RPS6KB1: variants seen among roughly 807,000 people sequenced by gnomAD.
RPS6KB1 encodes ribosomal protein S6 kinase B1.
A neutral mutation model predicts 70.2 loss-of-function variants in RPS6KB1; 12 were observed. The observed-to-expected ratio is 0.17, with a 90% confidence interval of 0.11 to 0.28. The LOEUF is 0.28. RPS6KB1 is among the 10% of genes least tolerant of loss of function. The pLI, the probability that RPS6KB1 is intolerant of heterozygous loss-of-function variation, is 1.00. For synonymous variants in RPS6KB1, 175 were observed against 211.2 expected (o/e 0.83, Z 1.49); for missense variants, 270 against 646.6 (o/e 0.42, Z 6.32).
rs2045095233 is a variant in RPS6KB1 at position 59,949,388 on chromosome 17, TTTATG to T, written c.*2605_*2609del. The T allele has an allele frequency of 6.6e-6, 1 of 152,638 alleles. No homozygotes were observed. The highest frequency in any genetic ancestry group is 1.5e-5 in the Non-Finnish European group (1 of 68,006). The allele number at this position is 152,638 out of a possible 1,614,324, so 9.5% of individuals were successfully genotyped here. A position where few individuals can be genotyped will look rare whatever the true frequency, so the allele number is the denominator to read the frequency against. ...TAGTCTTGAGTTTCTAAGAGGGTTCTTTATGTTATACCAGGTAAGTGTATAAAAGA... is the reference window on the plus strand; with the variant it reads ...TAGTCTTGAGTTTCTAAGAGGGTTCTTTATACCAGGTAAGTGTATAAAAGA... On this transcript the variant is annotated 3_prime_UTR_variant, in exon 15 of 15. Coordinates refer to ENST00000225577, the MANE Select transcript of RPS6KB1 (RefSeq NM_003161.4).
In RPS6KB1 at chr17:59,948,711, C is replaced by G. The variant is rs571718916; in HGVS notation, c.*1923C>G. On this transcript the variant is annotated 3_prime_UTR_variant, in exon 15 of 15. Transcript: ENST00000225577. ...CCTCCTCCCTTATTGCAGCAGCCTA[C>G]TGAGAACTTTGACTGTTGCTGGTAA... 1 of 152,456 alleles carries G rather than the reference C, an allele frequency of 6.6e-6. No homozygotes were observed. The highest frequency in any genetic ancestry group is 2.1e-4 in the South Asian group (1 of 4,820). 9.4% of individuals were successfully genotyped at this position (152,456 alleles called of 1,614,324 possible). A position where few individuals can be genotyped will look rare whatever the true frequency, so the allele number is the denominator to read the frequency against.
chr17:59,902,366 A>G (rs1219479719), intron 1 of RPS6KB1, among the ~76,000 whole-genome samples: 2 of 152,012 alleles, frequency 1.3e-5, no homozygotes, highest in African/African-American at 4.8e-5. Context: ...TGGCCTCTCA[A>G]AGTGCTGGGA....
At chr17:59,920,975 G>A (rs1004073489) in intron 4 of RPS6KB1, among the ~76,000 whole-genome samples, 7 of 152,210 alleles carry the variant, frequency 4.6e-5, no homozygotes, top group African/African-American at 1.7e-4. Flanking sequence ...TGGAATTATG[G>A]GCGTGAGCCA....
intron 1 of RPS6KB1, among the ~76,000 whole-genome samples, chr17:59,902,509 C>T (rs1324002131): frequency 6.6e-6 from 1 of 151,700 alleles, no homozygotes; most frequent in Non-Finnish European, 1.5e-5. Context: ...TATCCATTTA[C>T]CGGTTGATGT....
At chr17:59,930,519 C>T (rs1277723974) in intron 6 of RPS6KB1, 1 of 202,746 alleles carries the variant, frequency 4.9e-6, no homozygotes. Context: ...GAAATCATCC[C>T]TTTTTTTTTA....
rs912522441 is a variant in RPS6KB1, at chr17:59,893,913, C to T, written c.141+588C>T. Reference sequence around the variant, plus strand: ...AGCAAGGGGGCTCTGCTGCATCTTCCAATCTTCCAGGGTTTGTTTGTTTGC... The same window carrying T: ...AGCAAGGGGGCTCTGCTGCATCTTCTAATCTTCCAGGGTTTGTTTGTTTGC... On this transcript the variant is annotated intron_variant, in intron 1 of 14. Transcript: ENST00000225577. The surrounding 1 kb of genome is among the most constrained non-coding windows in gnomAD (Gnocchi z 4.1). The T allele has an allele frequency of 1.5e-5, 15 of 983,962 alleles. No homozygotes were observed. The African/African-American group carries it at 2.5e-4, about 16-fold the overall frequency. The allele number at this position is 983,962 out of a possible 1,614,324, so 61.0% of individuals were successfully genotyped here.
At position 59,946,765 on chromosome 17, in the gene RPS6KB1, G is replaced by C; in HGVS notation, c.1555G>C (p.Glu519Gln). ...QAFPMISKRP[E>Q]HLRMNL ...TTTTCCCATGATCTCCAAACGGCCA[G>C]AGCACCTGCGTATGAATCTATGACA... Residue 519 changes from glutamate (E) to glutamine (Q), a missense_variant, in exon 15 of 15, where the codon GAG becomes CAG. By Grantham distance (29) the Glu-to-Gln change is conservative. Around this residue, in one of 4 missense-constraint regions of RPS6KB1, gnomAD observed 133 missense variants for 314.7 expected, o/e 0.42. Coordinates refer to ENST00000225577, the MANE Select transcript of RPS6KB1 (RefSeq NM_003161.4). This position sits in a 1 kb window ranked among gnomAD's most constrained non-coding sequence, Gnocchi z 4.2. The C allele has an allele frequency of 3.7e-6, 6 of 1,614,110 alleles. No individual in the cohort carries two copies. The highest frequency in any genetic ancestry group is 5.1e-6 in the Non-Finnish European group (6 of 1,179,996).
At chr17:59,929,503 G>A (rs2043817762) in intron 5 of RPS6KB1, among the ~76,000 whole-genome samples, 1 of 152,004 alleles carries the variant, frequency 6.6e-6, no homozygotes, top group African/African-American at 2.4e-5. Context: ...TTATTACTTG[G>A]GATTCTACTG....
chr17:59,905,093 T>A (rs574860631), intron 1 of RPS6KB1, among the ~76,000 whole-genome samples: 1 of 152,060 alleles, frequency 6.6e-6, no homozygotes, highest in African/African-American at 2.4e-5. Flanking sequence ...TTTGGCTCAC[T>A]GCAGCCTTGA....
At chr17:59,899,039 A>G (rs921265768) in intron 1 of RPS6KB1, among the ~76,000 whole-genome samples, 1 of 151,800 alleles carries the variant, frequency 6.6e-6, no homozygotes, top group Non-Finnish European at 1.5e-5. Flanking sequence ...CCCCGTCTCT[A>G]TTAAAAATAC....
rs1422421208 is a variant in RPS6KB1 at position 59,947,412 on chromosome 17, T to G, written c.*624T>G. ...TTGGTGTGAAGAAAGCCAGACAACT[T>G]CTGTTTCTTCTCTTGGTGAAATAAT... On this transcript the variant is annotated 3_prime_UTR_variant, in exon 15 of 15. Transcript: ENST00000225577. 5 of 1,271,712 alleles carry G rather than the reference T, an allele frequency of 3.9e-6. No homozygotes were observed. Among genetic ancestry groups the G allele is most frequent in the Admixed American group, 4.1e-5 (1 of 24,618 alleles). 78.8% of individuals were successfully genotyped at this position (1,271,712 alleles called of 1,614,324 possible).
chr17:59,916,341 C>T (rs952622117), intron 4 of RPS6KB1, among the ~76,000 whole-genome samples: 4 of 152,184 alleles, frequency 2.6e-5, no homozygotes, highest in Non-Finnish European at 4.4e-5. Flanking sequence ...CTCGGGGGAT[C>T]GGCCCGCCTT....
intron 13 of RPS6KB1, among the ~76,000 whole-genome samples, chr17:59,942,191 C>T (rs1598832393): frequency 1.3e-5 from 2 of 152,224 alleles, no homozygotes; most frequent in African/African-American, 2.4e-5. Flanking sequence ...GTGATCCACC[C>T]GCCTTGGCCT....
chr17:59,895,311 C>T (rs1195031912), intron 1 of RPS6KB1, among the ~76,000 whole-genome samples: 3 of 134,536 alleles, frequency 2.2e-5, no homozygotes, highest in South Asian at 2.4e-4. Flanking sequence ...TGAGCCACTG[C>T]GCCTGGCTTT....
At chr17:59,935,812 C>CT (rs1471705278) in intron 10 of RPS6KB1, among the ~76,000 whole-genome samples, 4 of 131,072 alleles carry the variant, frequency 3.1e-5, no homozygotes, top group African/African-American at 1.3e-4. Context: ...CTTTTCTTTT[C>CT]TTTTCTTTTT....
chr17:59,921,864 A>G (rs2043283078), intron 4 of RPS6KB1, among the ~76,000 whole-genome samples: 1 of 152,180 alleles, frequency 6.6e-6, no homozygotes, highest in Non-Finnish European at 1.5e-5. Flanking sequence ...TCATAGAACA[A>G]TAACTTTCTC....
At chr17:59,937,559 G>T (rs1183917813) in intron 12 of RPS6KB1, among the ~76,000 whole-genome samples, 1 of 152,176 alleles carries the variant, frequency 6.6e-6, no homozygotes, top group Non-Finnish European at 1.5e-5. Context: ...GGTAATCTTT[G>T]TCATTCTTTG....
chr17:59,927,714 C>T (rs2043698225), intron 5 of RPS6KB1, among the ~76,000 whole-genome samples: 1 of 150,006 alleles, frequency 6.7e-6, no homozygotes, highest in African/African-American at 2.4e-5. Flanking sequence ...ACCATGTTGG[C>T]CAGGCTGGTC....
At chr17:59,902,393 C>CA (rs1331519025) in intron 1 of RPS6KB1, among the ~76,000 whole-genome samples, 4 of 152,052 alleles carry the variant, frequency 2.6e-5, no homozygotes, top group Non-Finnish European at 5.9e-5. Flanking sequence ...GCGTGAGCCA[C>CA]AGCATAAAGT....
Sources: allele counts gnomAD v4.1 joint callset (sites outside exome capture counted in the v4.1 genomes callset), GRCh38; gene constraint gnomAD v4.1.1; regional missense constraint gnomAD v4.1.1; non-coding constraint Gnocchi (gnomAD v3.1); transcripts MANE v1.5; gene names NCBI Gene and HGNC (gene_info 2026-07-23, HGNC 2026-07-21).